Variants in SEMA4D observed in about 807,000 individuals in gnomAD.
SEMA4D encodes the protein semaphorin 4D, also known as semaphorin-4D.
Under a neutral mutation model 74.8 loss-of-function variants are expected in SEMA4D, and 22 were observed. The observed-to-expected ratio is 0.29, with a 90% CI of 0.21 to 0.42. The LOEUF (loss-of-function observed/expected upper bound fraction) is 0.42. Among genes scored for constraint, SEMA4D ranks in the 10% least tolerant of loss-of-function variants. The pLI is 1.00. For missense variants in SEMA4D, 937 were observed against 1,118.4 expected (o/e 0.84, Z 2.31); for synonymous variants, 445 against 463.7 (o/e 0.96, Z 0.52).
intron 1 of SEMA4D, among the ~76,000 whole-genome samples, chr9:89,464,547 A>C (rs1482757332): frequency 6.6e-6 from 1 of 152,174 alleles, no homozygotes; most frequent in African/African-American, 2.4e-5. Flanking sequence ...CACCCCAGCT[A>C]GGAAGGGCAG....
intron 12 of SEMA4D, 142 bp from the exon 13 acceptor site, chr9:89,386,624 A>C (rs574956999): frequency 3.4e-6 from 2 of 593,972 alleles, no homozygotes; most frequent in East Asian, 5.8e-5. Flanking sequence ...ATTTCGCATT[A>C]GAAACAAAAA....
chr9:89,413,035 G>A (rs953378180), intron 2 of SEMA4D, among the ~76,000 whole-genome samples: 3 of 152,194 alleles, frequency 2.0e-5, no homozygotes, highest in African/African-American at 7.2e-5. Flanking sequence ...AGGCCATTTT[G>A]CTGGCTTTCT....
At chr9:89,391,457 G>A (rs1839855364) in intron 8 of SEMA4D, 42 bp from the exon 9 acceptor site, 2 of 1,610,414 alleles carry the variant, frequency 1.2e-6, no homozygotes, top group Non-Finnish European at 1.7e-6. Context: ...CACAGAGCTG[G>A]GGGACTGCCT....
chr9:89,480,496 G>C (rs1381625081), intron 1 of SEMA4D, among the ~76,000 whole-genome samples: 1 of 152,218 alleles, frequency 6.6e-6, no homozygotes, highest in Non-Finnish European at 1.5e-5. Context: ...GGCTCGGGCC[G>C]CACAGGAGCC....
intron 2 of SEMA4D, among the ~76,000 whole-genome samples, chr9:89,442,622 G>T (rs918484152): frequency 1.3e-5 from 2 of 152,146 alleles, no homozygotes; most frequent in African/African-American, 4.8e-5. Flanking sequence ...AAATGGAAAA[G>T]ACAATGAGTT....
intron 12 of SEMA4D, among the ~76,000 whole-genome samples, chr9:89,386,979 C>T (rs2133024099): frequency 6.6e-6 from 1 of 152,380 alleles, no homozygotes; most frequent in South Asian, 2.1e-4. Flanking sequence ...CAGGGCACAT[C>T]TAAAACCTGG....
chr9:89,411,829 T>C (rs1359619875), intron 2 of SEMA4D, among the ~76,000 whole-genome samples: 1 of 152,196 alleles, frequency 6.6e-6, no homozygotes, highest in Non-Finnish European at 1.5e-5. Context: ...TCAAACACGC[T>C]GTAAAAATAG....
At chr9:89,426,304 T>C (rs1030471951) in intron 2 of SEMA4D, among the ~76,000 whole-genome samples, 13 of 152,360 alleles carry the variant, frequency 8.5e-5, no homozygotes, top group African/African-American at 3.1e-4. Context: ...AACCACAAAA[T>C]GCCACTTTCC....
Position 89,399,308 on chromosome 9 carries a change from C to T in SEMA4D, c.283G>A (p.Ala95Thr), listed in dbSNP as rs1317810334. 13 of 1,613,766 alleles carry T rather than the reference C, an allele frequency of 8.1e-6. No homozygotes were observed. Among genetic ancestry groups the T allele is most frequent in the Non-Finnish European group, 1.1e-5 (13 of 1,179,656 alleles). The part of the protein sequence containing the change: ...VYWKVSEDKK[A>T]KCAEKGKSKQ... ...GATTTCCCCTTTTCTGCACATTTTG[C>T]TTTTTTGTCTTCTGAGACCTTCCAA... The change falls in exon 5 of 16, where the codon GCA becomes ACA. Residue 95 changes from alanine to threonine, a missense_variant. Physicochemically the swap from Ala to Thr is moderately conservative, Grantham distance 58. Coordinates refer to ENST00000422704, the MANE Select transcript of SEMA4D (RefSeq NM_001371194.2).
chr9:89,446,414 G>C (rs1852866641), intron 2 of SEMA4D, among the ~76,000 whole-genome samples: 1 of 152,206 alleles, frequency 6.6e-6, no homozygotes, highest in African/African-American at 2.4e-5. Context: ...CCTACCACAA[G>C]GGGCAAAACC....
intron 1 of SEMA4D, among the ~76,000 whole-genome samples, chr9:89,482,412 G>A (rs1032631132): frequency 2.0e-5 from 3 of 152,222 alleles, no homozygotes; most frequent in Non-Finnish European, 2.9e-5. Context: ...ACAGGCATCA[G>A]CAACAGCTCT....
chr9:89,363,479 G>A, exon 18 of SEMA4D: 1 of 1,614,060 alleles, frequency 6.2e-7, no homozygotes, highest in African/African-American at 1.3e-5. Flanking sequence ...CCCAGCCACA[G>A]CCCTCCAGGC....
At chr9:89,434,482 C>A (rs764332523) in intron 2 of SEMA4D, among the ~76,000 whole-genome samples, 1 of 152,158 alleles carries the variant, frequency 6.6e-6, no homozygotes, top group African/African-American at 2.4e-5. Context: ...TACTGTCTTT[C>A]GTCAGTTTAA....
downstream of SEMA4D, among the ~76,000 whole-genome samples, chr9:89,373,449 G>A (rs1054786680): frequency 2.0e-5 from 3 of 152,192 alleles, no homozygotes; most frequent in Admixed American, 1.3e-4. Flanking sequence ...CAGTCCCCAA[G>A]TGCAACCCTG....
intron 1 of SEMA4D, among the ~76,000 whole-genome samples, chr9:89,485,914 C>T (rs1481121082): frequency 6.6e-6 from 1 of 151,668 alleles, no homozygotes; most frequent in Non-Finnish European, 1.5e-5. Flanking sequence ...GGCTTCACCA[C>T]TTCTTGGCTG....
intron 1 of SEMA4D, among the ~76,000 whole-genome samples, chr9:89,494,318 C>G (rs73490228): frequency 8.5e-5 from 13 of 152,326 alleles, no homozygotes; most frequent in African/African-American, 3.1e-4. Context: ...CACACTCACT[C>G]ACATTCACAC....
Position 89,475,261 on chromosome 9 carries a change from T to C in SEMA4D, c.-309-19308A>G, listed in dbSNP as rs563029475. Reference sequence around the variant, plus strand: ...TGAAAGCAGGTGGGACTGAGACCCATGTCCCCACCCACCTGGGAGCCAGAA... The same window carrying C: ...TGAAAGCAGGTGGGACTGAGACCCACGTCCCCACCCACCTGGGAGCCAGAA... On this transcript the variant is annotated intron_variant, in intron 1 of 15. Coordinates refer to ENST00000422704, the MANE Select transcript of SEMA4D (RefSeq NM_001371194.2). Among the ~76,000 whole-genome samples the C allele has an allele frequency of 5.9e-5, 9 of 152,296 alleles. No homozygotes were observed. In the South Asian group the frequency reaches 8.3e-4, roughly 14 times the overall value.
chr9:89,421,898 A>G (rs944527148), intron 2 of SEMA4D, among the ~76,000 whole-genome samples: 1 of 152,212 alleles, frequency 6.6e-6, no homozygotes, highest in Non-Finnish European at 1.5e-5. Flanking sequence ...ATGCCTATAG[A>G]GAGAATTTGA....
intron 12 of SEMA4D, among the ~76,000 whole-genome samples, chr9:89,387,002 G>A (rs756863631): frequency 3.3e-5 from 5 of 152,264 alleles, no homozygotes; most frequent in Non-Finnish European, 7.3e-5. Flanking sequence ...CCTCGGCCAG[G>A]AAGCAGGGAC....
Sources: gnomAD v4.1 joint callset for allele counts (sites outside exome capture counted in the v4.1 genomes callset) on GRCh38, gnomAD v4.1.1 for gene constraint, MANE v1.5 for transcripts, NCBI Gene and HGNC (gene_info 2026-07-23, HGNC 2026-07-21) for gene names.